Variants in MCTP1 observed in about 807,000 individuals in gnomAD.
The protein encoded by MCTP1 is multiple C2 and transmembrane domain containing 1.
Under a neutral mutation model 120.6 loss-of-function variants are expected in MCTP1, and 69 were observed. The ratio of observed to expected loss-of-function variants is 0.57; its 90% CI spans 0.47 to 0.70. The LOEUF (loss-of-function observed/expected upper bound fraction) is 0.70. Among genes scored for constraint, MCTP1 ranks in the 30% least tolerant of loss-of-function variants. The pLI is 0.00. For synonymous variants in MCTP1, 529 were observed against 493.1 expected, an observed-to-expected ratio of 1.07 and a Z score of -0.96; for missense variants, 1,203 against 1,248.8, an observed-to-expected ratio of 0.96 and a Z score of 0.55.
chr5:94,834,887 T>C (rs956232927), intron 17 of MCTP1, among the ~76,000 whole-genome samples: 17 of 147,520 alleles, frequency 1.2e-4, no homozygotes, highest in Admixed American at 6.3e-4. Flanking sequence ...GTGCAATCCC[T>C]GCTCAATGCA....
chr5:94,790,209 C>G (rs1022380630), intron 18 of MCTP1, among the ~76,000 whole-genome samples: 1 of 152,076 alleles, frequency 6.6e-6, no homozygotes, highest in Non-Finnish European at 1.5e-5. Context: ...GTCAGTCAGA[C>G]GAGACACATT....
In MCTP1 at chr5:95,284,028, C is replaced by A; in HGVS notation, c.548G>T (p.Gly183Val). 1 of 1,511,938 alleles carries A rather than the reference C, an allele frequency of 6.6e-7. No homozygotes were observed. Among genetic ancestry groups the A allele is most frequent in the South Asian group, 1.3e-5 (1 of 76,926 alleles). The allele number at this position is 1,511,938 out of a possible 1,614,324, so 93.7% of individuals were successfully genotyped here. A position where few individuals can be genotyped will look rare whatever the true frequency, so the allele number is the denominator to read the frequency against. ...PPRGDRARDE[G>V]ARRQGPGAHL... is the part of the protein sequence containing the mutation. ...CGCCCCGGGGCCCTGACGCCGTGCA[C>A]CCTCATCTCGGGCGCGGTCCCCCCT... Residue 183 changes from glycine (G) to valine (V), a missense_variant, in exon 1 of 23, where the codon GGT becomes GTT. Around this residue, in one of 2 missense-constraint regions of MCTP1, gnomAD observed 463 missense variants for 377.8 expected, o/e 1.23. Coordinates refer to ENST00000515393, the MANE Select transcript of MCTP1 (RefSeq NM_024717.7). This position sits in a 1 kb window ranked among gnomAD's most constrained non-coding sequence, Gnocchi z 5.2.
intron 3 of MCTP1, among the ~76,000 whole-genome samples, chr5:94,943,019 T>C (rs1818096430): frequency 6.6e-6 from 1 of 152,078 alleles, no homozygotes; most frequent in Admixed American, 6.6e-5. Flanking sequence ...TTCTTCCTTT[T>C]ATCAATACTC....
intron 5 of MCTP1, among the ~76,000 whole-genome samples, chr5:94,932,933 A>C (rs1055499000): frequency 6.6e-6 from 1 of 152,010 alleles, no homozygotes; most frequent in Non-Finnish European, 1.5e-5. Flanking sequence ...CTATTCATGG[A>C]TTAGAATAAC....
At chr5:95,246,389 G>A (rs987379569) in intron 1 of MCTP1, among the ~76,000 whole-genome samples, 3 of 151,940 alleles carry the variant, frequency 2.0e-5, no homozygotes, top group Non-Finnish European at 4.4e-5. Context: ...TGGTAAATAG[G>A]ATAAAGAGTC....
intron 1 of MCTP1, among the ~76,000 whole-genome samples, chr5:95,212,555 A>T (rs898555766): frequency 3.3e-5 from 5 of 152,170 alleles, no homozygotes; most frequent in Non-Finnish European, 7.3e-5. Context: ...GCACAGACAC[A>T]ACCAAAAAAG....
intron 17 of MCTP1, among the ~76,000 whole-genome samples, chr5:94,799,599 G>T (rs1411367046): frequency 6.6e-6 from 1 of 151,898 alleles, no homozygotes; most frequent in Non-Finnish European, 1.5e-5. Flanking sequence ...AAAATACCAG[G>T]TCTACACAAG....
intron 2 of MCTP1, among the ~76,000 whole-genome samples, chr5:94,967,354 G>A (rs191700464): frequency 1.3e-5 from 2 of 152,090 alleles, no homozygotes; most frequent in African/African-American, 4.8e-5. Context: ...CACACACCAC[G>A]TAACAAGCCA....
At chr5:95,273,992 G>A (rs1759609198) in intron 1 of MCTP1, among the ~76,000 whole-genome samples, 1 of 152,196 alleles carries the variant, frequency 6.6e-6, no homozygotes, top group East Asian at 1.9e-4. Context: ...AGACTACTGT[G>A]GCCTCCACAT....
intron 1 of MCTP1, among the ~76,000 whole-genome samples, chr5:95,098,136 A>C (rs2152359074): frequency 6.6e-6 from 1 of 152,302 alleles, no homozygotes. Flanking sequence ...ATAAATGAAG[A>C]TAAATATATT....
At chr5:95,195,511 T>C (rs927763030) in intron 1 of MCTP1, among the ~76,000 whole-genome samples, 1 of 152,252 alleles carries the variant, frequency 6.6e-6, no homozygotes, top group African/African-American at 2.4e-5. Flanking sequence ...TGGCAGCCCG[T>C]ATTTTTCAAG....
At chr5:95,264,072 T>C (rs1758691095) in intron 1 of MCTP1, among the ~76,000 whole-genome samples, 1 of 152,224 alleles carries the variant, frequency 6.6e-6, no homozygotes. Context: ...AGCATATTTG[T>C]ATAATGAAGC....
At chr5:95,114,361 T>C (rs1228654616) in intron 1 of MCTP1, among the ~76,000 whole-genome samples, 1 of 152,232 alleles carries the variant, frequency 6.6e-6, no homozygotes, top group Non-Finnish European at 1.5e-5. Context: ...GGGTCACCAA[T>C]TACAGGCCTT....
chr5:94,915,074 A>G (rs1206186406), intron 8 of MCTP1, among the ~76,000 whole-genome samples: 1 of 152,242 alleles, frequency 6.6e-6, no homozygotes, highest in Admixed American at 6.5e-5. Flanking sequence ...GGCAAGCAAG[A>G]AGAAGTAATT....
chr5:95,095,886 T>C (rs73776181), intron 1 of MCTP1, among the ~76,000 whole-genome samples: 3,371 of 151,954 alleles, frequency 0.022, 122 homozygotes, highest in African/African-American at 0.076. Flanking sequence ...GTATTTGAAA[T>C]GAGGGGAGGC....
intron 1 of MCTP1, among the ~76,000 whole-genome samples, chr5:95,261,812 G>T (rs1758495371): frequency 6.6e-6 from 1 of 152,198 alleles, no homozygotes; most frequent in South Asian, 2.1e-4. Context: ...GGGTGGATTG[G>T]GCTGCCCTGG....
chr5:94,744,284 T>A (rs1766350662), intron 19 of MCTP1, among the ~76,000 whole-genome samples: 1 of 152,242 alleles, frequency 6.6e-6, no homozygotes, highest in Non-Finnish European at 1.5e-5. Context: ...TCTCCTGATT[T>A]TTGAAGACTG....
At chr5:95,057,681 C>T (rs575016805) in intron 1 of MCTP1, among the ~76,000 whole-genome samples, 9 of 152,134 alleles carry the variant, frequency 5.9e-5, no homozygotes, top group Non-Finnish European at 1.2e-4. Context: ...ATAAGCTCAC[C>T]CCCAGCTTTA....
chr5:95,225,738 T>C (rs1044020181), intron 1 of MCTP1, among the ~76,000 whole-genome samples: 1 of 152,094 alleles, frequency 6.6e-6, no homozygotes, highest in Non-Finnish European at 1.5e-5. Context: ...CCGTTCTGGG[T>C]TTTCCTTTGT....
Sources: gnomAD v4.1 joint callset for allele counts (sites outside exome capture counted in the v4.1 genomes callset) on GRCh38, gnomAD v4.1.1 for gene constraint, gnomAD v4.1.1 regional missense constraint, Gnocchi (gnomAD v3.1) non-coding constraint, MANE v1.5 for transcripts, NCBI Gene and HGNC (gene_info 2026-07-23, HGNC 2026-07-21) for gene names.